PTPRM: variants seen among roughly 807,000 people sequenced by gnomAD.
PTPRM encodes the protein protein tyrosine phosphatase receptor type M.
A neutral mutation model predicts 186.7 loss-of-function variants in PTPRM; 47 were observed. The ratio of observed to expected loss-of-function variants is 0.25; its 90% confidence interval spans 0.20 to 0.32. The LOEUF is 0.32. PTPRM is among the 10% of genes least tolerant of loss of function. The probability of loss-of-function intolerance (pLI) is 1.00; values close to 1 mark genes in which losing one functional copy is unlikely to be tolerated. For synonymous variants in PTPRM, 668 were observed against 674.9 expected (o/e 0.99, Z 0.16); for missense variants, 1,494 against 1,865.0 (o/e 0.80, Z 3.66).
At chr18:8,334,191 C>T (rs1266952535) in intron 22 of PTPRM, among the ~76,000 whole-genome samples, 1 of 152,232 alleles carries the variant, frequency 6.6e-6, no homozygotes, top group Non-Finnish European at 1.5e-5. Flanking sequence ...GTCCAACACC[C>T]TTGTCCTGGG....
intron 20 of PTPRM, among the ~76,000 whole-genome samples, chr18:8,299,175 C>T (rs1302651374): frequency 6.6e-6 from 1 of 152,174 alleles, no homozygotes; most frequent in Non-Finnish European, 1.5e-5. Flanking sequence ...TGGTGTACAG[C>T]TGCTTGTCAC....
chr18:8,200,930 A>C (rs912109777), intron 14 of PTPRM, among the ~76,000 whole-genome samples: 4 of 152,326 alleles, frequency 2.6e-5, no homozygotes, highest in Admixed American at 1.3e-4. Context: ...ATAATTTAAT[A>C]AAGTATATTT....
chr18:8,172,016 C>G (rs978292540), intron 14 of PTPRM, among the ~76,000 whole-genome samples: 3 of 152,134 alleles, frequency 2.0e-5, no homozygotes, highest in Non-Finnish European at 4.4e-5. Context: ...CTACTGAATG[C>G]GGATAGCTTT....
chr18:7,969,338 G>A (rs1467136658), intron 7 of PTPRM, among the ~76,000 whole-genome samples: 1 of 135,614 alleles, frequency 7.4e-6, no homozygotes, highest in African/African-American at 2.9e-5. Flanking sequence ...AGCACTAAAT[G>A]CCTACAAGAG....
intron 7 of PTPRM, among the ~76,000 whole-genome samples, chr18:7,959,777 A>G (rs999802819): frequency 2.0e-5 from 3 of 152,182 alleles, no homozygotes; most frequent in African/African-American, 7.2e-5. Flanking sequence ...CTGTAAAGAC[A>G]TTTTTCAAAG....
chr18:7,974,634 G>A (rs977788136), intron 7 of PTPRM, among the ~76,000 whole-genome samples: 9 of 152,282 alleles, frequency 5.9e-5, no homozygotes, highest in African/African-American at 1.9e-4. Context: ...AGGGACATGG[G>A]CTCTTTCCAA....
chr18:7,910,212 C>T (rs889846380), intron 4 of PTPRM, among the ~76,000 whole-genome samples: 5 of 152,072 alleles, frequency 3.3e-5, no homozygotes, highest in African/African-American at 4.8e-5. Context: ...AGTATGTACC[C>T]GCGACCATAG....
chr18:8,270,899 A>G (rs1256175307), intron 19 of PTPRM, among the ~76,000 whole-genome samples: 2 of 152,198 alleles, frequency 1.3e-5, no homozygotes, highest in Non-Finnish European at 2.9e-5. Context: ...TTAGATGAAG[A>G]AGTTCCGGGA....
At chr18:7,798,151 C>T (rs887261571) in intron 2 of PTPRM, among the ~76,000 whole-genome samples, 1 of 152,112 alleles carries the variant, frequency 6.6e-6, no homozygotes, top group Non-Finnish European at 1.5e-5. Context: ...AAAATACCCA[C>T]GAGGGTTGGT....
At chr18:7,625,128 A>G (rs1431734116) in intron 1 of PTPRM, among the ~76,000 whole-genome samples, 1 of 152,238 alleles carries the variant, frequency 6.6e-6, no homozygotes, top group Non-Finnish European at 1.5e-5. Context: ...GTAATAAGAT[A>G]AAATCTTTCA....
chr18:8,262,607 G>A (rs1279933778), intron 19 of PTPRM, among the ~76,000 whole-genome samples: 2 of 152,140 alleles, frequency 1.3e-5, no homozygotes, highest in African/African-American at 4.8e-5. Context: ...CAGCTCAGAT[G>A]TGACTGCCCC....
chr18:7,865,985 G>C (rs2047669664), intron 2 of PTPRM, among the ~76,000 whole-genome samples: 1 of 152,118 alleles, frequency 6.6e-6, no homozygotes, highest in Non-Finnish European at 1.5e-5. Flanking sequence ...GGTGTTTATA[G>C]TATTCTCTGA....
At chr18:7,906,325 G>A (rs1440077565) in intron 3 of PTPRM, among the ~76,000 whole-genome samples, 180 bp from the exon 4 acceptor site, 1 of 152,150 alleles carries the variant, frequency 6.6e-6, no homozygotes, top group African/African-American at 2.4e-5. Context: ...CCTGAAGACT[G>A]GGGTGGGGTC....
chr18:8,095,590 T>C (rs1055631278), intron 11 of PTPRM, among the ~76,000 whole-genome samples: 4 of 151,878 alleles, frequency 2.6e-5, no homozygotes, highest in Non-Finnish European at 2.9e-5. Flanking sequence ...GCAGCAGCAA[T>C]GGAGGATGGG....
intron 4 of PTPRM, among the ~76,000 whole-genome samples, chr18:7,918,851 C>T (rs143383513): frequency 6.6e-6 from 1 of 152,238 alleles, no homozygotes; most frequent in African/African-American, 2.4e-5. Context: ...AGGTCTTACA[C>T]AAAAATTCTT....
At chr18:7,912,053 A>G (rs931068693) in intron 4 of PTPRM, among the ~76,000 whole-genome samples, 1 of 151,722 alleles carries the variant, frequency 6.6e-6, no homozygotes, top group South Asian at 2.1e-4. Context: ...GGTTTCACCA[A>G]TTTGGCCAGG....
At chr18:8,003,403 T>C (rs1259556382) in intron 7 of PTPRM, among the ~76,000 whole-genome samples, 1 of 152,226 alleles carries the variant, frequency 6.6e-6, no homozygotes, top group African/African-American at 2.4e-5. Context: ...CTTGGGTATA[T>C]GTTTATTAGC....
At chr18:7,948,510 G>C (rs1156420475) in intron 5 of PTPRM, among the ~76,000 whole-genome samples, 1 of 152,122 alleles carries the variant, frequency 6.6e-6, no homozygotes, top group East Asian at 1.9e-4. Context: ...CATATATGGG[G>C]ATAATAAAAG....
intron 1 of PTPRM, among the ~76,000 whole-genome samples, chr18:7,740,746 G>T (rs183748622): frequency 1.3e-5 from 2 of 152,284 alleles, no homozygotes; most frequent in East Asian, 3.9e-4. Flanking sequence ...GGCAGAAAAA[G>T]GAGACAGAGT....
Sources: gnomAD v4.1 joint callset for allele counts (sites outside exome capture counted in the v4.1 genomes callset) on GRCh38, gnomAD v4.1.1 for gene constraint, MANE v1.5 for transcripts, NCBI Gene and HGNC (gene_info 2026-07-23, HGNC 2026-07-21) for gene names.